Variants in ANK2 observed in about 807,000 individuals in gnomAD.
The protein encoded by ANK2 is ankyrin 2.
In ANK2, 83 loss-of-function variants were observed where a neutral mutation model predicts 360.5. That is an observed-to-expected ratio of 0.23 (90% CI 0.19 to 0.28). The LOEUF (loss-of-function observed/expected upper bound fraction) is 0.28. Among genes scored for constraint, ANK2 ranks in the 10% least tolerant of loss-of-function variants. The probability of loss-of-function intolerance (pLI) is 1.00; values close to 1 mark genes in which losing one functional copy is unlikely to be tolerated. For missense variants in ANK2, 4,201 were observed against 4,795.7 expected, an observed-to-expected ratio of 0.88 and a Z score of 3.66; for synonymous variants, 1,740 against 1,759.5, an observed-to-expected ratio of 0.99 and a Z score of 0.28.
chr4:113,375,549 C>A (rs1480516788), intron 45 of ANK2, among the ~76,000 whole-genome samples: 1 of 151,760 alleles, frequency 6.6e-6, no homozygotes, highest in Non-Finnish European at 1.5e-5. Flanking sequence ...CACGGTGAAA[C>A]CCTGTCTCTA....
intron 2 of ANK2, among the ~76,000 whole-genome samples, chr4:112,983,836 C>G (rs1191458073): frequency 1.3e-5 from 2 of 152,184 alleles, no homozygotes; most frequent in Admixed American, 1.3e-4. Context: ...TTTCCCTTTT[C>G]CTTCTCTTCA....
chr4:113,173,725 C>G (rs1380940129), intron 1 of ANK2, among the ~76,000 whole-genome samples: 1 of 152,062 alleles, frequency 6.6e-6, no homozygotes, highest in African/African-American at 2.4e-5. Context: ...CAGTTTCCAT[C>G]CAGAGTGATC....
the ANK2 span, among the ~76,000 whole-genome samples, chr4:112,809,159 C>T: frequency 6.6e-6 from 1 of 151,220 alleles, no homozygotes; most frequent in African/African-American, 2.4e-5. Flanking sequence ...GCACCCGGCC[C>T]AAACTATTTA....
At chr4:112,746,161 C>A in the ANK2 span, among the ~76,000 whole-genome samples, 1 of 152,182 alleles carries the variant, frequency 6.6e-6, no homozygotes, top group East Asian at 1.9e-4. Flanking sequence ...ATTAAATTAG[C>A]AAGTATGGCC....
At chr4:112,862,291 T>C (rs1346345100) in intron 1 of ANK2, among the ~76,000 whole-genome samples, 1 of 152,238 alleles carries the variant, frequency 6.6e-6, no homozygotes, top group Non-Finnish European at 1.5e-5. Flanking sequence ...TTCCTTAAAG[T>C]AAATTTATTT....
In ANK2 at chr4:113,369,650, G is replaced by A. The variant is rs1203748896; in HGVS notation, c.11455G>A (p.Glu3819Lys). The A allele has an allele frequency of 9.3e-6, 15 of 1,613,958 alleles. No individual in the cohort carries two copies. Among genetic ancestry groups the A allele is most frequent in the Admixed American group, 6.7e-5 (4 of 59,990 alleles). ...KLYLQTPTSS[E>K]RGGSPIIQEP... ...GTACCTCCAGACCCCAACATCCAGC[G>A]AGCGGGGAGGCTCTCCCATCATACA... Residue 3819 changes from glutamate (E) to lysine (K), a missense_variant, in exon 43 of 46, where the codon GAG becomes AAG. Transcript: ENST00000357077.
intron 1 of ANK2, among the ~76,000 whole-genome samples, chr4:113,059,757 G>A (rs898556149): frequency 2.6e-5 from 4 of 152,064 alleles, no homozygotes; most frequent in African/African-American, 9.7e-5. Flanking sequence ...TTGATAAAAT[G>A]TTCATGAGTA....
intron 10 of ANK2, among the ~76,000 whole-genome samples, chr4:113,253,051 A>G (rs1457127438): frequency 6.6e-6 from 1 of 152,206 alleles, no homozygotes; most frequent in East Asian, 1.9e-4. Flanking sequence ...CAATTGGAAG[A>G]TAATTTCCAG....
In ANK2 at chr4:113,353,517, A is replaced by G; in HGVS notation, c.4899A>G (p.Ser1633=). The part of the protein sequence containing the change: ...KEIKGKVEKD[S]TGLVNYLTDD... ...TCAAAGGAAAAGTAGAGAAAGACTC[A>G]ACTGGGCTAGTGAACTACCTTACTG... Residue 1633 remains serine, a synonymous_variant, in exon 38 of 46, where the codon TCA becomes TCG. Coordinates refer to ENST00000357077, the MANE Select transcript of ANK2 (RefSeq NM_001148.6). 3.1e-6 allele frequency: 5 copies of G among 1,614,114 alleles called. No individual in the cohort carries two copies. Among genetic ancestry groups the G allele is most frequent in the Non-Finnish European group, 4.2e-6 (5 of 1,179,966 alleles).
chr4:113,088,992 C>T (rs568704098), intron 1 of ANK2, among the ~76,000 whole-genome samples: 9 of 152,294 alleles, frequency 5.9e-5, no homozygotes, highest in Non-Finnish European at 1.3e-4. Flanking sequence ...TGATTTAAAA[C>T]CGACAATTTA....
chr4:112,707,962 C>T, the ANK2 span, among the ~76,000 whole-genome samples: 2 of 152,144 alleles, frequency 1.3e-5, no homozygotes, highest in Non-Finnish European at 2.9e-5. Context: ...TATGACCTTA[C>T]AGTAGCACTG....
At chr4:113,101,651 T>C (rs1409926461) in intron 1 of ANK2, among the ~76,000 whole-genome samples, 1 of 152,130 alleles carries the variant, frequency 6.6e-6, no homozygotes, top group Non-Finnish European at 1.5e-5. Context: ...TAGTGGAGTC[T>C]GTATTTCTAT....
At chr4:113,372,991 C>T in intron 43 of ANK2, 99 bp from the exon 44 acceptor site, 26 of 1,078,096 alleles carry the variant, frequency 2.4e-5, no homozygotes, top group Middle Eastern at 4.0e-4. Context: ...TCAACATCGC[C>T]TTTGATTTTC....
chr4:113,083,977 G>T (rs1417310015), intron 1 of ANK2, among the ~76,000 whole-genome samples: 1 of 152,124 alleles, frequency 6.6e-6, no homozygotes, highest in Non-Finnish European at 1.5e-5. Flanking sequence ...GAATCGTTGT[G>T]GGGTGAGGGG....
At chr4:112,855,208 A>G (rs1448224) in intron 1 of ANK2, among the ~76,000 whole-genome samples, 35,785 of 152,116 alleles carry the variant, frequency 0.24, 4,779 homozygotes, top group Admixed American at 0.37. Context: ...GGTGGGTGGC[A>G]CTGCCTGCTG....
chr4:113,145,785 C>T, intron 1 of ANK2: 1 of 1,244,980 alleles, frequency 8.0e-7, no homozygotes, highest in Non-Finnish European at 1.0e-6. Flanking sequence ...GATGAATTGC[C>T]CACATTAGTG....
chr4:113,320,935 G>A (rs2085848970), intron 26 of ANK2, among the ~76,000 whole-genome samples: 1 of 152,144 alleles, frequency 6.6e-6, no homozygotes, highest in African/African-American at 2.4e-5. Flanking sequence ...CTGACATTGT[G>A]CCAGGTACTA....
At chr4:113,012,570 T>C (rs937952448) in intron 2 of ANK2, among the ~76,000 whole-genome samples, 1 of 152,188 alleles carries the variant, frequency 6.6e-6, no homozygotes, top group Non-Finnish European at 1.5e-5. Flanking sequence ...TACCAGTTTT[T>C]ATCAAAGCTT....
intron 1 of ANK2, among the ~76,000 whole-genome samples, chr4:112,828,360 C>T (rs373575622): frequency 3.3e-4 from 50 of 151,310 alleles, no homozygotes; most frequent in African/African-American, 1.1e-3. Context: ...CAGCCTCCCT[C>T]GTAGCTGGAA....
Sources: allele counts gnomAD v4.1 joint callset (sites outside exome capture counted in the v4.1 genomes callset), GRCh38; gene constraint gnomAD v4.1.1; transcripts MANE v1.5; gene names NCBI Gene and HGNC (gene_info 2026-07-23, HGNC 2026-07-21).